ARID5B: variants seen among roughly 807,000 people sequenced by gnomAD.
The protein encoded by ARID5B is AT-rich interactive domain-containing protein 5B.
Under a neutral mutation model 97.2 loss-of-function variants are expected in ARID5B, and 13 were observed. The observed-to-expected ratio is 0.13, with a 90% CI of 0.09 to 0.21. ARID5B has a LOEUF of 0.21. Among genes scored for constraint, ARID5B ranks in the 10% least tolerant of loss-of-function variants. The pLI, the probability that ARID5B is intolerant of heterozygous loss-of-function variation, is 1.00. For synonymous variants in ARID5B, 556 were observed against 570.3 expected, an observed-to-expected ratio of 0.97 and a Z score of 0.36; for missense variants, 1,210 against 1,465.3, an observed-to-expected ratio of 0.83 and a Z score of 2.84.
chr10:62,076,275 C>CA (rs1452946613), intron 8 of ARID5B, among the ~76,000 whole-genome samples: 2 of 152,274 alleles, frequency 1.3e-5, no homozygotes, highest in Non-Finnish European at 1.5e-5. Context: ...CATGGTGGCT[C>CA]ACGCCTATAA....
chr10:61,948,707 G>A (rs1275246174), intron 3 of ARID5B, among the ~76,000 whole-genome samples: 1 of 151,970 alleles, frequency 6.6e-6, no homozygotes, highest in Non-Finnish European at 1.5e-5. Flanking sequence ...TATATTGCAG[G>A]AGCTCATTTT....
intron 2 of ARID5B, among the ~76,000 whole-genome samples, chr10:61,925,022 T>C (rs57757179): frequency 1.3e-4 from 20 of 152,088 alleles, no homozygotes; most frequent in African/African-American, 3.9e-4. Flanking sequence ...CTGGCCAACA[T>C]TGTGAAACCC....
intron 3 of ARID5B, among the ~76,000 whole-genome samples, chr10:61,976,076 CTT>C (rs1342809931): frequency 3.9e-5 from 6 of 152,144 alleles, no homozygotes; most frequent in South Asian, 2.1e-4. Flanking sequence ...GGAATGTAGT[CTT>C]TGCCTTTATA....
intron 2 of ARID5B, among the ~76,000 whole-genome samples, chr10:61,913,078 G>T (rs547083219): frequency 6.6e-6 from 1 of 152,234 alleles, no homozygotes. Context: ...CTTCTGTTTT[G>T]GCAGTGTTCT....
intron 2 of ARID5B, among the ~76,000 whole-genome samples, chr10:61,931,393 C>T (rs1844207298): frequency 6.6e-6 from 1 of 151,844 alleles, no homozygotes; most frequent in African/African-American, 2.4e-5. Context: ...AAATGTAAAC[C>T]TATAAAACTT....
chr10:61,906,561 C>T (rs1265130072), intron 2 of ARID5B, among the ~76,000 whole-genome samples: 1 of 152,212 alleles, frequency 6.6e-6, no homozygotes, highest in African/African-American at 2.4e-5. Context: ...TTGCTGGTCA[C>T]CTCCAACTGT....
In ARID5B at chr10:62,094,236, T is replaced by C. The variant is rs1297145428; in HGVS notation, c.*1206T>C. 1.7e-5 allele frequency: 4 copies of C among 231,722 alleles called. No individual in the cohort carries two copies. Among genetic ancestry groups the C allele is most frequent in the Non-Finnish European group, 3.4e-5 (4 of 117,270 alleles). 14.4% of individuals were successfully genotyped at this position (231,722 alleles called of 1,614,324 possible). A position where few individuals can be genotyped will look rare whatever the true frequency, so the allele number is the denominator to read the frequency against. On this transcript the variant is annotated 3_prime_UTR_variant, in exon 10 of 10. Coordinates refer to ENST00000279873, the MANE Select transcript of ARID5B (RefSeq NM_032199.3). The stretch of plus-strand genomic sequence containing the variant: ...CCTTTAAATGGTCTGGGAAAGGGGG[T>C]TGGGAAGAGGATGGAGCTCAACTGG...
chr10:61,904,572 A>G (rs977705421), intron 2 of ARID5B, among the ~76,000 whole-genome samples: 1 of 152,216 alleles, frequency 6.6e-6, no homozygotes, highest in Non-Finnish European at 1.5e-5. Flanking sequence ...TTGCCATTTA[A>G]AAGTAAACTC....
chr10:61,977,330 G>A (rs1359644700), intron 3 of ARID5B, among the ~76,000 whole-genome samples: 2 of 152,196 alleles, frequency 1.3e-5, no homozygotes, highest in Admixed American at 6.5e-5. Flanking sequence ...GTGTGTATGT[G>A]TCTTTACAGC....
In ARID5B at chr10:62,027,749, C is replaced by A. The variant is rs375046303; in HGVS notation, c.734-23139C>A. On this transcript the variant is annotated intron_variant, in intron 4 of 9. Transcript: ENST00000279873. ...GTGTATGTCCTTCCCAGAAAAGAAA[C>A]CCCCTTATCATTGCCTCACCCCTCA... 2.1e-4 allele frequency among the ~76,000 whole-genome samples: 32 copies of A among 152,180 alleles called. No individual in the cohort carries two copies. The South Asian group carries it at 6.6e-3, about 32-fold the overall frequency.
In ARID5B at chr10:62,001,215, C is replaced by T. The variant is rs558633734; in HGVS notation, c.733+894C>T. ...GGGATGTCAGAATACCCTGGGGTAG[C>T]CTTATCAAACTGCTTGTGTTCCTGG... On this transcript the variant is annotated intron_variant, in intron 4 of 9. Transcript: ENST00000279873. Among the ~76,000 whole-genome samples, 5 of 145,810 alleles carry T rather than the reference C, an allele frequency of 3.4e-5. No individual in the cohort carries two copies. In the East Asian group the frequency reaches 7.7e-4, roughly 23 times the overall value.
At chr10:61,936,345 C>T (rs1844299082) in intron 2 of ARID5B, among the ~76,000 whole-genome samples, 1 of 152,208 alleles carries the variant, frequency 6.6e-6, no homozygotes. Context: ...GGGCCGGGTG[C>T]GGTGGCTCAC....
At chr10:61,930,944 G>T (rs967632869) in intron 2 of ARID5B, among the ~76,000 whole-genome samples, 5 of 152,046 alleles carry the variant, frequency 3.3e-5, no homozygotes, top group Non-Finnish European at 7.4e-5. Context: ...GAGTCTCATG[G>T]CTTCTGCCAA....
chr10:62,028,448 G>C (rs1839450793), intron 4 of ARID5B, among the ~76,000 whole-genome samples: 1 of 152,110 alleles, frequency 6.6e-6, no homozygotes, highest in South Asian at 2.1e-4. Flanking sequence ...GTAGGGTATT[G>C]AGGCCCACTG....
chr10:62,060,680 C>T (rs535377670), intron 7 of ARID5B, among the ~76,000 whole-genome samples: 1 of 152,262 alleles, frequency 6.6e-6, no homozygotes, highest in Non-Finnish European at 1.5e-5. Context: ...GGGTTAGTCT[C>T]ATAAACGTAG....
intron 2 of ARID5B, among the ~76,000 whole-genome samples, chr10:61,911,074 C>T (rs1051037425): frequency 4.6e-5 from 7 of 152,200 alleles, no homozygotes; most frequent in Non-Finnish European, 1.0e-4. Flanking sequence ...AACACCCCTT[C>T]CACCCCATAG....
intron 4 of ARID5B, chr10:62,024,547 C>A (rs1306821030): frequency 1.9e-5 from 7 of 366,642 alleles, no homozygotes; most frequent in Non-Finnish European, 3.4e-5. Flanking sequence ...CTCTTTGGGT[C>A]AAATGTTTCC....
intron 2 of ARID5B, among the ~76,000 whole-genome samples, chr10:61,903,306 C>A (rs530394728): frequency 6.6e-6 from 1 of 151,808 alleles, no homozygotes; most frequent in Admixed American, 6.5e-5. Context: ...CGTTTCTGGG[C>A]GGCCGCGGGG....
chr10:62,090,152 A>G (rs1279635638), intron 9 of ARID5B, among the ~76,000 whole-genome samples: 1 of 152,174 alleles, frequency 6.6e-6, no homozygotes, highest in Non-Finnish European at 1.5e-5. Context: ...GACTGTCTGA[A>G]TTTTGACAAC....
Sources: gnomAD v4.1 joint callset for allele counts (sites outside exome capture counted in the v4.1 genomes callset) on GRCh38, gnomAD v4.1.1 for gene constraint, MANE v1.5 for transcripts, NCBI Gene and HGNC (gene_info 2026-07-23, HGNC 2026-07-21) for gene names.